The following SPRY3 variants were observed in gnomAD, a reference collection of about 807,000 sequenced individuals.
The protein encoded by SPRY3 is sprouty RTK signaling antagonist 3.
Under a neutral mutation model 20.2 loss-of-function variants are expected in SPRY3, and 15 were observed. That is an observed-to-expected ratio of 0.74 (90% CI 0.50 to 1.14). The LOEUF (loss-of-function observed/expected upper bound fraction) is 1.14, where lower values mean the gene tolerates loss of function less well. Ranked by LOEUF, SPRY3 falls within the 50% of genes most tolerant of loss-of-function variation. The probability of loss-of-function intolerance (pLI) is 0.00; values close to 1 mark genes in which losing one functional copy is unlikely to be tolerated. For synonymous variants in SPRY3, 143 were observed against 136.5 expected (o/e 1.05, Z -0.33); for missense variants, 364 against 363.9 (o/e 1.00, Z 0.00).
intron 2 of SPRY3, among the ~76,000 whole-genome samples, chrX:155,742,647 C>T (rs1420373125): frequency 6.6e-6 from 1 of 152,040 alleles, no homozygotes; most frequent in Non-Finnish European, 1.5e-5. Context: ...GTCTCTCAGA[C>T]CACAGCACAA....
chrX:155,640,116 A>G (rs1479788018), intron 1 of SPRY3, among the ~76,000 whole-genome samples: 1 of 111,572 alleles, frequency 9.0e-6, no homozygotes, highest in Non-Finnish European at 1.9e-5. Context: ...CTTTCAGACA[A>G]CACAGGAGTT....
At chrX:155,768,083 G>A (rs1302521209) in exon 3 of SPRY3, 4 of 152,136 alleles carry the variant, frequency 2.6e-5, no homozygotes, top group Admixed American at 1.3e-4. Flanking sequence ...CTTTGAGCCA[G>A]ATGGGGCATT....
intron 2 of SPRY3, among the ~76,000 whole-genome samples, chrX:155,723,863 C>T (rs1310486778): frequency 6.6e-6 from 1 of 152,150 alleles, no homozygotes; most frequent in Non-Finnish European, 1.5e-5. Context: ...TTGCACATGC[C>T]TATGTCCTGA....
At chrX:155,645,491 A>G (rs1323825933) in intron 1 of SPRY3, among the ~76,000 whole-genome samples, 1 of 106,345 alleles carries the variant, frequency 9.4e-6, no homozygotes, top group African/African-American at 3.4e-5. Context: ...AGTTCTGACT[A>G]CTGGGATGGG....
chrX:155,663,769 G>A (rs1324479848), intron 2 of SPRY3, among the ~76,000 whole-genome samples: 1 of 110,619 alleles, frequency 9.0e-6, no homozygotes, highest in African/African-American at 3.3e-5. Context: ...GAGATTCTGA[G>A]GTATGCTAAA....
intron 2 of SPRY3, among the ~76,000 whole-genome samples, chrX:155,751,878 A>C (rs1304282082): frequency 6.6e-6 from 1 of 150,804 alleles, no homozygotes; most frequent in Non-Finnish European, 1.5e-5. Context: ...GAGAATCCCA[A>C]TATCTGTTTA....
At chrX:155,719,084 G>T (rs1327501264) in intron 2 of SPRY3, among the ~76,000 whole-genome samples, 1 of 152,168 alleles carries the variant, frequency 6.6e-6, no homozygotes, top group Non-Finnish European at 1.5e-5. Context: ...AATCACTGAT[G>T]CCACCACCCC....
chrX:155,613,760 C>T (rs1557348601), intron 1 of SPRY3, among the ~76,000 whole-genome samples: 2 of 111,344 alleles, frequency 1.8e-5, no homozygotes, highest in African/African-American at 6.5e-5. Flanking sequence ...GATAGCACCT[C>T]CTCTGTGAAG....
At chrX:155,714,377 T>C (rs1387077013) in intron 2 of SPRY3, among the ~76,000 whole-genome samples, 1 of 151,644 alleles carries the variant, frequency 6.6e-6, no homozygotes, top group East Asian at 1.9e-4. Context: ...CAAAGGGATT[T>C]GGACCCCAAG....
intron 2 of SPRY3, among the ~76,000 whole-genome samples, chrX:155,735,402 C>T (rs2091161676): frequency 1.3e-5 from 2 of 151,912 alleles, no homozygotes; most frequent in Admixed American, 6.6e-5. Flanking sequence ...GAATCTGTTG[C>T]TTTTTGAGAG....
intron 1 of SPRY3, among the ~76,000 whole-genome samples, chrX:155,634,647 G>A (rs1360957401): frequency 9.0e-6 from 1 of 110,721 alleles, no homozygotes; most frequent in African/African-American, 3.3e-5. Flanking sequence ...TGTGTAAAGT[G>A]CAGCAAAAAT....
intron 2 of SPRY3, among the ~76,000 whole-genome samples, chrX:155,723,880 T>C (rs1404449607): frequency 6.6e-6 from 1 of 152,176 alleles, no homozygotes; most frequent in East Asian, 1.9e-4. Context: ...CTGAATGGTA[T>C]TGCCTAGGTT....
intron 2 of SPRY3, among the ~76,000 whole-genome samples, chrX:155,761,259 T>C (rs2091302859): frequency 6.6e-6 from 1 of 152,216 alleles, no homozygotes; most frequent in Non-Finnish European, 1.5e-5. Flanking sequence ...AAACTCTCTC[T>C]GCTCTTCTGT....
rs1603108937 is a variant in SPRY3 at position 155,616,206 on chromosome X, A to G, written c.-441+3559A>G. On this transcript the variant is annotated intron_variant, in intron 1 of 3. Coordinates refer to ENST00000675360, the Ensembl canonical transcript of SPRY3. ...CGTTCCCTTCCTTGCTTTCCTCCCC[A>G]CTCCTCTCAAGCTCTTTTTGTTTCC... is the stretch of plus-strand genomic sequence containing the variant. 5.5e-5 allele frequency among the ~76,000 whole-genome samples: 5 copies of G among 90,527 alleles called. No homozygotes were observed. The Admixed American group carries it at 6.9e-4, about 13-fold the overall frequency. The allele number at this position is 90,527 out of a possible 115,157, so 78.6% of individuals were successfully genotyped here. A position where few individuals can be genotyped will look rare whatever the true frequency, so the allele number is the denominator to read the frequency against.
chrX:155,680,315 A>G (rs1461688371), intron 2 of SPRY3, among the ~76,000 whole-genome samples: 2 of 109,425 alleles, frequency 1.8e-5, no homozygotes, highest in Admixed American at 2.0e-4. Context: ...AAGAAAGGTA[A>G]CAGGGGAACC....
intron 2 of SPRY3, among the ~76,000 whole-genome samples, chrX:155,660,693 A>C (rs1355940516): frequency 2.8e-5 from 3 of 107,960 alleles, no homozygotes; most frequent in African/African-American, 1.0e-4. Context: ...TATAAATCTG[A>C]GTGTTCCAGT....
intron 1 of SPRY3, among the ~76,000 whole-genome samples, chrX:155,646,242 T>C (rs1189277083): frequency 8.9e-6 from 1 of 112,170 alleles, no homozygotes; most frequent in African/African-American, 3.2e-5. Flanking sequence ...CTAGATTTGT[T>C]CTTTCTGAAG....
intron 2 of SPRY3, among the ~76,000 whole-genome samples, chrX:155,721,328 T>G (rs1168022113): frequency 6.6e-6 from 1 of 152,090 alleles, no homozygotes; most frequent in Non-Finnish European, 1.5e-5. Context: ...AAGGCAAATC[T>G]AAGAGTTATT....
At chrX:155,706,338 A>C (rs2124536957) in intron 2 of SPRY3, among the ~76,000 whole-genome samples, 1 of 151,334 alleles carries the variant, frequency 6.6e-6, no homozygotes, top group African/African-American at 2.4e-5. Flanking sequence ...TGCCACAGAT[A>C]AAACTTTGCA....
Sources: gnomAD v4.1 joint callset for allele counts (sites outside exome capture counted in the v4.1 genomes callset) on GRCh38, gnomAD v4.1.1 for gene constraint, MANE v1.5 for transcripts, NCBI Gene and HGNC (gene_info 2026-07-23, HGNC 2026-07-21) for gene names.